Variants in TMTC2 observed in about 807,000 individuals in gnomAD.
TMTC2 encodes the protein transmembrane O-mannosyltransferase targeting cadherins 2.
In TMTC2, 43 loss-of-function variants were observed where a neutral mutation model predicts 82.4. The ratio of observed to expected loss-of-function variants is 0.52; its 90% CI spans 0.41 to 0.67. The LOEUF (loss-of-function observed/expected upper bound fraction) is 0.67. Among genes scored for constraint, TMTC2 ranks in the 30% least tolerant of loss-of-function variants. The probability of loss-of-function intolerance (pLI) is 0.00; values close to 1 mark genes in which losing one functional copy is unlikely to be tolerated. For missense variants in TMTC2, 919 were observed against 1,012.4 expected (o/e 0.91, Z 1.25); for synonymous variants, 408 against 381.9 (o/e 1.07, Z -0.80).
chr12:83,045,916 C>T (rs949846717), intron 9 of TMTC2, among the ~76,000 whole-genome samples: 16 of 152,024 alleles, frequency 1.1e-4, no homozygotes, highest in African/African-American at 2.4e-4. Context: ...AGGAGTTGTG[C>T]GAGTGGGGAG....
intron 8 of TMTC2, among the ~76,000 whole-genome samples, chr12:83,002,503 A>G (rs1356326551): frequency 6.6e-6 from 1 of 152,044 alleles, no homozygotes; most frequent in Admixed American, 6.6e-5. Flanking sequence ...GCGATGTTAG[A>G]TTTTGAATTT....
chr12:83,020,372 T>C (rs17796608), intron 8 of TMTC2, among the ~76,000 whole-genome samples: 29,313 of 152,208 alleles, frequency 0.19, 2,890 homozygotes, highest in Middle Eastern at 0.26. Context: ...GCAGACACTT[T>C]GGTTTGTAAT....
intron 9 of TMTC2, among the ~76,000 whole-genome samples, chr12:83,045,574 T>C (rs1882059080): frequency 6.6e-6 from 1 of 152,162 alleles, no homozygotes; most frequent in Non-Finnish European, 1.5e-5. Flanking sequence ...TAAACTGATA[T>C]TCAATGAATG....
At chr12:82,853,126 G>A (rs552666218) in intron 1 of TMTC2, among the ~76,000 whole-genome samples, 29 of 149,770 alleles carry the variant, frequency 1.9e-4, no homozygotes, top group East Asian at 7.8e-4. Context: ...TTTTTGAGAC[G>A]GAGTCTCACT....
intron 9 of TMTC2, among the ~76,000 whole-genome samples, chr12:83,037,803 A>G (rs1320852629): frequency 6.6e-6 from 1 of 152,128 alleles, no homozygotes; most frequent in African/African-American, 2.4e-5. Context: ...AAAGCAAAGA[A>G]TTAAGGAAAA....
At chr12:83,089,560 G>A (rs911517031) in intron 11 of TMTC2, among the ~76,000 whole-genome samples, 8 of 152,118 alleles carry the variant, frequency 5.3e-5, no homozygotes, top group South Asian at 2.1e-4. Context: ...TAAGTACCCC[G>A]AAACTAAACC....
chr12:82,931,093 A>G (rs12302704), intron 4 of TMTC2, among the ~76,000 whole-genome samples: 2,952 of 152,136 alleles, frequency 0.019, 109 homozygotes, highest in African/African-American at 0.068. Flanking sequence ...ATTTTTTTGT[A>G]GAGATGTGGA....
At position 82,951,243 on chromosome 12, in the gene TMTC2, A is replaced by G. The variant is rs113884168; in HGVS notation, c.1599-13781A>G. ...CCTTTTTTCCATTTTTCTTAGTTCA[A>G]TGAAAGTATAGAGCAGGGAAACAAC... is the stretch of plus-strand genomic sequence containing the variant. On this transcript the variant is annotated intron_variant, in intron 4 of 11. Transcript: ENST00000321196. 3.0e-3 allele frequency among the ~76,000 whole-genome samples: 458 copies of G among 151,996 alleles called. 2 individuals carry two copies. The highest frequency in any genetic ancestry group is 0.01 in the African/African-American group (434 of 41,448).
chr12:82,698,865 G>A (rs912822184), intron 1 of TMTC2, among the ~76,000 whole-genome samples: 4 of 152,100 alleles, frequency 2.6e-5, no homozygotes, highest in South Asian at 2.1e-4. Flanking sequence ...ATGAATGAGC[G>A]GGTAGTGTAG....
intron 8 of TMTC2, among the ~76,000 whole-genome samples, chr12:83,030,249 T>C (rs1881371376): frequency 6.6e-6 from 1 of 152,172 alleles, no homozygotes; most frequent in South Asian, 2.1e-4. Flanking sequence ...TACCCTTGGA[T>C]TGTTTTAAGT....
chr12:83,129,117 A>T (rs895913311), intron 11 of TMTC2, among the ~76,000 whole-genome samples: 2 of 152,192 alleles, frequency 1.3e-5, no homozygotes, highest in African/African-American at 4.8e-5. Flanking sequence ...GAAATAAAAA[A>T]TTTTATTTTA....
chr12:82,885,297 A>G lies in TMTC2; in HGVS notation c.655-10521A>G, dbSNP rs1309253665. ...TGGAATTTGTCGGATTTTTGTTTAA[A>G]TGATTAATCTGGGAATAAGTTTTTT... On this transcript the variant is annotated intron_variant, in intron 2 of 11. Transcript: ENST00000321196. Among the ~76,000 whole-genome samples the G allele has an allele frequency of 2.0e-5, 3 of 151,962 alleles. No individual in the cohort carries two copies. In the East Asian group the frequency reaches 5.8e-4, roughly 29 times the overall value.
intron 1 of TMTC2, among the ~76,000 whole-genome samples, chr12:82,855,023 G>A (rs1237947796): frequency 6.6e-6 from 1 of 152,192 alleles, no homozygotes; most frequent in African/African-American, 2.4e-5. Flanking sequence ...GAACACTCAT[G>A]TATATGTAAA....
At chr12:82,703,553 C>T (rs1051460911) in intron 1 of TMTC2, among the ~76,000 whole-genome samples, 1 of 147,030 alleles carries the variant, frequency 6.8e-6, no homozygotes, top group African/African-American at 2.5e-5. Flanking sequence ...GGCTGGAGTG[C>T]AGTGGCACGA....
chr12:83,108,342 C>T (rs1315783725), intron 11 of TMTC2, among the ~76,000 whole-genome samples: 1 of 152,012 alleles, frequency 6.6e-6, no homozygotes, highest in Non-Finnish European at 1.5e-5. Context: ...TTATTTTTAG[C>T]TAGCCACCGA....
chr12:82,768,000 C>T (rs1877068182), intron 1 of TMTC2, among the ~76,000 whole-genome samples: 1 of 149,984 alleles, frequency 6.7e-6, no homozygotes, highest in South Asian at 2.1e-4. Context: ...TTGTTTTTCT[C>T]CATATTACTT....
chr12:82,747,795 A>G (rs538728979), intron 1 of TMTC2, among the ~76,000 whole-genome samples: 19 of 152,228 alleles, frequency 1.2e-4, no homozygotes, highest in African/African-American at 4.3e-4. Context: ...CAACTATTTG[A>G]TTGGGAGGAT....
chr12:82,857,888 G>A (rs1871340748), intron 2 of TMTC2, among the ~76,000 whole-genome samples: 1 of 152,106 alleles, frequency 6.6e-6, no homozygotes. Context: ...TGCACAAATT[G>A]TCTATAATCT....
chr12:82,896,734 A>C, intron 3 of TMTC2, 88 bp downstream of exon 3: 1 of 1,041,368 alleles, frequency 9.6e-7, no homozygotes, highest in South Asian at 1.7e-5. Context: ...CACAGTATTA[A>C]GGAGGAAGAG....
Sources: allele counts gnomAD v4.1 joint callset (sites outside exome capture counted in the v4.1 genomes callset), GRCh38; gene constraint gnomAD v4.1.1; transcripts MANE v1.5; gene names NCBI Gene and HGNC (gene_info 2026-07-23, HGNC 2026-07-21).